The following ZNF846 variants were observed in gnomAD, a reference collection of about 807,000 sequenced individuals.
ZNF846 encodes zinc finger protein 846, also known as zinc finger protein 420 pseudogene.
ZNF846 carries 15 observed loss-of-function variants against 16.0 expected under a neutral mutation model. The observed-to-expected ratio is 0.94, with a 90% CI of 0.63 to 1.45. The LOEUF is 1.45. Among genes scored for constraint, ZNF846 ranks in the 40% most tolerant of loss-of-function variants. ZNF846 has a pLI of 0.00. For missense variants in ZNF846, 714 were observed against 622.3 expected (o/e 1.15, Z -1.57); for synonymous variants, 229 against 212.0 (o/e 1.08, Z -0.70).
At chr19:9,776,489 G>C (rs550610684) in intron 1 of ZNF846, among the ~76,000 whole-genome samples, 1 of 152,354 alleles carries the variant, frequency 6.6e-6, no homozygotes, top group South Asian at 2.1e-4. Context: ...CAACTGCCAG[G>C]CAGGGAAGGG....
At chr19:9,761,025 C>T (rs2145214476) in intron 4 of ZNF846, among the ~76,000 whole-genome samples, 1 of 151,588 alleles carries the variant, frequency 6.6e-6, no homozygotes, top group East Asian at 1.9e-4. Context: ...TGGTGAAACT[C>T]CATCTCTATC....
At chr19:9,751,738 A>G (rs2045085418), downstream of ZNF846, among the ~76,000 whole-genome samples, 1 of 152,014 alleles carries the variant, frequency 6.6e-6, no homozygotes, top group African/African-American at 2.4e-5. Context: ...TTGTGAATGT[A>G]CTTTGTAACA....
chr19:9,783,893 G>T (rs1346289813), intron 1 of ZNF846, among the ~76,000 whole-genome samples: 3 of 151,860 alleles, frequency 2.0e-5, no homozygotes, highest in Admixed American at 6.6e-5. Context: ...TGTAGATACC[G>T]GGTTTTGCCA....
downstream of ZNF846, chr19:9,756,330 T>G (rs964491776): frequency 3.1e-5 from 2 of 63,680 alleles, no homozygotes; most frequent in African/African-American, 1.7e-4. Context: ...CATATATATG[T>G]GTGTGTGTGT....
upstream of ZNF846, among the ~76,000 whole-genome samples, chr19:9,771,155 G>A (rs927731943): frequency 5.3e-5 from 8 of 151,728 alleles, no homozygotes; most frequent in Admixed American, 4.6e-4. Context: ...TCCCCAAAGT[G>A]CATTCTTTCT....
intron 1 of ZNF846, chr19:9,774,736 C>T (rs910636835): frequency 3.2e-5 from 50 of 1,552,002 alleles, no homozygotes; most frequent in South Asian, 2.0e-4. Flanking sequence ...CAAATATCGA[C>T]GAAAAGGGGC....
chr19:9,770,628 G>A (rs2045382087), upstream of ZNF846, among the ~76,000 whole-genome samples: 1 of 152,064 alleles, frequency 6.6e-6, no homozygotes, highest in Non-Finnish European at 1.5e-5. Flanking sequence ...AGCATTTTGG[G>A]AGGCCGAGGC....
rs767048831 is a variant in ZNF846 at position 9,759,840 on chromosome 19, T to C, written c.312+20A>G. The C allele has an allele frequency of 6.3e-7, 1 of 1,590,236 alleles. No homozygotes were observed. The highest frequency in any genetic ancestry group is 1.1e-5 in the South Asian group (1 of 90,040). ...GCTTCTTGTCCTAGTGTGGAAGATT[T>C]CATCCCTTGGAAATCTTACCAATTG... On this transcript the variant is annotated intron_variant, in intron 5 of 5. Coordinates refer to ENST00000397902, the Ensembl canonical transcript of ZNF846.
At chr19:9,785,500 C>A (rs927208104) in intron 1 of ZNF846, among the ~76,000 whole-genome samples, 7 of 150,718 alleles carry the variant, frequency 4.6e-5, no homozygotes, top group African/African-American at 1.7e-4. Context: ...GACCCCACCC[C>A]CATCTCTCCC....
chr19:9,759,915 C>T, exon 5 of ZNF846: 14 of 1,612,906 alleles, frequency 8.7e-6, no homozygotes, highest in Non-Finnish European at 1.2e-5. Flanking sequence ...CAGTGGGGAG[C>T]CTTTGGTTTT....
At chr19:9,764,674 A>T in intron 2 of ZNF846, 1 of 497,110 alleles carries the variant, frequency 2.0e-6, no homozygotes, top group Non-Finnish European at 3.6e-6. Context: ...TGTGTCTATT[A>T]TTTCTCAACC....
chr19:9,760,423 G>A lies in ZNF846; in HGVS notation c.230-481C>T, dbSNP rs115622209. On this transcript the variant is annotated intron_variant, in intron 4 of 5. Coordinates refer to ENST00000397902, the Ensembl canonical transcript of ZNF846. ...CTATCAGAATCAACTGTGCTGGGCTGGGTGTGGTGGTTCATGCCTATAATC... is the reference window on the plus strand; with the variant it reads ...CTATCAGAATCAACTGTGCTGGGCTAGGTGTGGTGGTTCATGCCTATAATC... Among the ~76,000 whole-genome samples the A allele has an allele frequency of 7.5e-3, 1,143 of 151,668 alleles. 64 individuals are homozygous for A. The highest frequency in any genetic ancestry group is 0.026 in the African/African-American group (1,066 of 40,988).
At chr19:9,780,856 T>G (rs1309470893) in intron 1 of ZNF846, among the ~76,000 whole-genome samples, 1 of 152,142 alleles carries the variant, frequency 6.6e-6, no homozygotes. Flanking sequence ...TATGCAGTAG[T>G]TTTCAACAGT....
At chr19:9,753,002 G>A (rs144508769), downstream of ZNF846, among the ~76,000 whole-genome samples, 32 of 151,710 alleles carry the variant, frequency 2.1e-4, 2 homozygotes, top group African/African-American at 6.1e-4. Flanking sequence ...CAGATTCAGT[G>A]TCAGATGAGG....
exon 6 of ZNF846, chr19:9,758,456 A>G: frequency 6.2e-7 from 1 of 1,613,538 alleles, no homozygotes; most frequent in South Asian, 1.1e-5. Flanking sequence ...ACTGATTAAG[A>G]AAAGTTCTCC....
At chr19:9,758,688 A>G in exon 6 of ZNF846, 2 of 1,611,654 alleles carry the variant, frequency 1.2e-6, no homozygotes, top group Non-Finnish European at 1.7e-6. Flanking sequence ...CATGTGAGTC[A>G]TAAGAAATGG....
At chr19:9,751,677 G>A (rs535854350), downstream of ZNF846, among the ~76,000 whole-genome samples, 1 of 152,032 alleles carries the variant, frequency 6.6e-6, no homozygotes, top group East Asian at 1.9e-4. Context: ...CCTTGTGAAT[G>A]CACTTTGTAA....
upstream of ZNF846, among the ~76,000 whole-genome samples, chr19:9,769,655 G>A (rs1228242984): frequency 6.6e-6 from 1 of 152,022 alleles, no homozygotes; most frequent in Non-Finnish European, 1.5e-5. Context: ...CCAGGAGTTC[G>A]AGACCAGCGA....
chr19:9,773,814 A>G lies in ZNF846; in HGVS notation c.-85-8779T>C, dbSNP rs553897057. Among the ~76,000 whole-genome samples the G allele has an allele frequency of 1.9e-3, 290 of 152,244 alleles. 2 individuals are homozygous for G. Among genetic ancestry groups the G allele is most frequent in the African/African-American group, 6.6e-3 (275 of 41,552 alleles). The stretch of plus-strand genomic sequence containing the variant: ...GAAAAAGAAAAAGAAAAAGTAAATA[A>G]GCATAGAATTGCAAAAGAAGGAAAC... On this transcript the variant is annotated intron_variant, in intron 1 of 4. Transcript: ENST00000586814.
Sources: gnomAD v4.1 joint callset for allele counts (sites outside exome capture counted in the v4.1 genomes callset) on GRCh38, gnomAD v4.1.1 for gene constraint, MANE v1.5 for transcripts, NCBI Gene and HGNC (gene_info 2026-07-23, HGNC 2026-07-21) for gene names.